TAPBP: variants seen among roughly 807,000 people sequenced by gnomAD.
TAPBP encodes TAP binding protein, also known as tapasin.
Under a neutral mutation model 45.7 loss-of-function variants are expected in TAPBP, and 38 were observed. That is an observed-to-expected ratio of 0.83 (90% CI 0.64 to 1.09). The LOEUF (loss-of-function observed/expected upper bound fraction) is 1.09. Ranked by LOEUF, TAPBP falls within the 50% of genes least tolerant of loss-of-function variation. TAPBP has a pLI of 0.00. For missense variants in TAPBP, 513 were observed against 587.3 expected, an observed-to-expected ratio of 0.87 and a Z score of 1.31; for synonymous variants, 226 against 254.8, an observed-to-expected ratio of 0.89 and a Z score of 1.08.
chr6:33,308,591 T>C (rs964565848), intron 3 of TAPBP, among the ~76,000 whole-genome samples: 6 of 152,172 alleles, frequency 3.9e-5, no homozygotes, highest in African/African-American at 1.4e-4. Flanking sequence ...CCCTTCAGTT[T>C]ACATTGTCTT....
intron 3 of TAPBP, among the ~76,000 whole-genome samples, chr6:33,306,706 C>G (rs1768988512): frequency 6.6e-6 from 1 of 152,234 alleles, no homozygotes; most frequent in South Asian, 2.1e-4. Flanking sequence ...GGGCCAGACG[C>G]AGTGGTTCAT....
At position 33,305,319 on chromosome 6, in the gene TAPBP, A is replaced by C. The variant is rs775379137; in HGVS notation, c.538T>G (p.Leu180Val). Reference protein sequence around the residue: ...VRLGQDALLDLSFAYMPPTSE... With the variant: ...VRLGQDALLDVSFAYMPPTSE... The stretch of plus-strand genomic sequence containing the variant: ...GTGGGGGGCATGTAGGCAAAGCTCA[A>C]GTCCAGCAGAGCATCTTGTCCCAGT... Residue 180 changes from leucine to valine, a missense_variant, in exon 4 of 8, where the codon TTG (leucine) becomes GTG (valine). Transcript: ENST00000434618. This position sits in a 1 kb window ranked among gnomAD's most constrained non-coding sequence, Gnocchi z 4.4. The C allele has an allele frequency of 6.4e-7, 1 of 1,560,004 alleles. No homozygotes were observed. The highest frequency in any genetic ancestry group is 8.7e-7 in the Non-Finnish European group (1 of 1,153,706).
chr6:33,301,709 A>T lies in TAPBP; in HGVS notation c.*51T>A, dbSNP rs1347325582. The T allele has an allele frequency of 6.5e-7, 1 of 1,540,066 alleles. No homozygotes were observed. The highest frequency in any genetic ancestry group is 9.0e-7 in the Non-Finnish European group (1 of 1,112,910). ...GTATTATTTTAGGGAGCTACTACAG[A>T]AGCTTGGGCCAGAGATGATGGTGGC... On this transcript the variant is annotated 3_prime_UTR_variant, in exon 8 of 8. Transcript: ENST00000434618.
At chr6:33,309,396 A>AG (rs9282491) in intron 3 of TAPBP, among the ~76,000 whole-genome samples, 1 of 150,962 alleles carries the variant, frequency 6.6e-6, no homozygotes, top group Non-Finnish European at 1.5e-5. Flanking sequence ...AAAAAAAAAA[A>AG]TCCATAGAAT....
Position 33,304,439 on chromosome 6 carries a change from G to C in TAPBP, c.1068C>G (p.Ser356=). The C allele has an allele frequency of 1.2e-6, 2 of 1,611,782 alleles. No individual in the cohort carries two copies. Among genetic ancestry groups the C allele is most frequent in the Non-Finnish European group, 1.7e-6 (2 of 1,178,850 alleles). Residue 356 remains serine, a synonymous_variant, in exon 5 of 8, where the codon TCC becomes TCG. Transcript: ENST00000434618. ...GCCCAGAGAGGCTGACAGAGCCATC[G>C]GAATGGTGGCGCAGGGCCGAGAGCC... ...QRWLSALRHH[S]DGSVSLSGHL...
At chr6:33,304,924 CT>C (rs1768862967) in intron 4 of TAPBP, 64 bp downstream of exon 4, 4 of 1,584,454 alleles carry the variant, frequency 2.5e-6, no homozygotes, top group South Asian at 2.3e-5. Flanking sequence ...ATCCCTCCCC[CT>C]ATTACGGTCC....
chr6:33,306,114 C>A (rs1285663609), intron 3 of TAPBP, among the ~76,000 whole-genome samples: 2 of 152,184 alleles, frequency 1.3e-5, no homozygotes, highest in Non-Finnish European at 2.9e-5. Context: ...CTATTCAGTT[C>A]CCAATTTTAG....
At position 33,301,690 on chromosome 6, in the gene TAPBP, T is replaced by C; in HGVS notation, c.*70A>G. ...ATTAGGAGCAGATGATAGGGTATTA[T>C]TTTAGGGAGCTACTACAGAAGCTTG... On this transcript the variant is annotated 3_prime_UTR_variant, in exon 8 of 8. Coordinates refer to ENST00000434618, the MANE Select transcript of TAPBP (RefSeq NM_003190.5). 1 of 1,408,836 alleles carries C rather than the reference T, an allele frequency of 7.1e-7. No homozygotes were observed. Among genetic ancestry groups the C allele is most frequent in the Non-Finnish European group, 1.0e-6 (1 of 995,428 alleles). The allele number at this position is 1,408,836 out of a possible 1,614,324, so 87.3% of individuals were successfully genotyped here. A position where few individuals can be genotyped will look rare whatever the true frequency, so the allele number is the denominator to read the frequency against.
At chr6:33,309,233 G>A (rs1393016326) in intron 3 of TAPBP, among the ~76,000 whole-genome samples, 1 of 151,932 alleles carries the variant, frequency 6.6e-6, no homozygotes, top group African/African-American at 2.4e-5. Context: ...TAAAAATACA[G>A]AATTATCCGG....
chr6:33,309,599 C>CTT (rs759356578), intron 3 of TAPBP, among the ~76,000 whole-genome samples: 32,153 of 90,742 alleles, frequency 0.35, 7,044 homozygotes, highest in South Asian at 0.52. Flanking sequence ...CAGTTTAACT[C>CTT]TTTTTTTTTT....
At chr6:33,312,423 G>A (rs906913962) in intron 3 of TAPBP, among the ~76,000 whole-genome samples, 16 of 152,174 alleles carry the variant, frequency 1.1e-4, no homozygotes, top group Admixed American at 5.2e-4. Flanking sequence ...GAACTCTACC[G>A]GTATTCTACC....
rs565874010 is a variant in TAPBP at position 33,307,693 on chromosome 6, C to T, written c.470-2306G>A. On this transcript the variant is annotated intron_variant, in intron 3 of 7. Coordinates refer to ENST00000434618, the MANE Select transcript of TAPBP (RefSeq NM_003190.5). ...CTGGGATTACAGGCATGAGCCACCA[C>T]GCCTGGCCTCTAGCTCTGCTTCTTA... 6.6e-5 allele frequency among the ~76,000 whole-genome samples: 10 copies of T among 152,284 alleles called. No homozygotes were observed. The East Asian group carries it at 1.2e-3, about 18-fold the overall frequency.
In TAPBP at chr6:33,313,992, G is replaced by A; in HGVS notation, c.37+13C>T. Reference sequence around the variant, plus strand: ...CTCTAGTTCTTGGGCGATGAGTCGCGGGGTTCGCTCACCCAAAGCCACAGC... The same window carrying A: ...CTCTAGTTCTTGGGCGATGAGTCGCAGGGTTCGCTCACCCAAAGCCACAGC... On this transcript the variant is annotated intron_variant, in intron 1 of 7. Transcript: ENST00000434618. The surrounding 1 kb of genome is among the most constrained non-coding windows in gnomAD (Gnocchi z 7.2). The A allele has an allele frequency of 6.2e-7, 1 of 1,613,932 alleles. No homozygotes were observed. The highest frequency in any genetic ancestry group is 8.5e-7 in the Non-Finnish European group (1 of 1,180,028).
Position 33,305,441 on chromosome 6 carries a change from G to A in TAPBP, c.470-54C>T. On this transcript the variant is annotated intron_variant, in intron 3 of 7. Coordinates refer to ENST00000434618, the MANE Select transcript of TAPBP (RefSeq NM_003190.5). The surrounding 1 kb of genome is among the most constrained non-coding windows in gnomAD (Gnocchi z 4.4). ...GGAGGGGCATGAGGGAGAGAAAGAA[G>A]GAGAAAAAAATAGAGAAATGCAGTT... is the stretch of plus-strand genomic sequence containing the variant. The A allele has an allele frequency of 6.8e-7, 1 of 1,466,824 alleles. No homozygotes were observed. Among genetic ancestry groups the A allele is most frequent in the Non-Finnish European group, 9.0e-7 (1 of 1,107,276 alleles). The allele number at this position is 1,466,824 out of a possible 1,614,324, so 90.9% of individuals were successfully genotyped here.
intron 3 of TAPBP, chr6:33,308,168 CAAAAA>C (rs9280399): frequency 0.016 from 1,578 of 99,574 alleles, 17 homozygotes; most frequent in Admixed American, 0.024. Context: ...ACTAAAAATA[CAAAAA>C]AAAAAAAAAA....
intron 3 of TAPBP, among the ~76,000 whole-genome samples, chr6:33,311,046 GT>G (rs1418023366): frequency 1.3e-5 from 2 of 152,216 alleles, no homozygotes; most frequent in African/African-American, 4.8e-5. Flanking sequence ...GCCGGGCGTG[GT>G]GGCTCATGCC....
intron 7 of TAPBP, 76 bp downstream of exon 7, chr6:33,303,879 C>G (rs1302012383): frequency 1.9e-6 from 3 of 1,613,804 alleles, no homozygotes; most frequent in African/African-American, 1.3e-5. Context: ...CACCAGCAGC[C>G]TCCCTCCATG....
At position 33,301,554 on chromosome 6, in the gene TAPBP, G is replaced by C. The variant is rs1768583892; in HGVS notation, c.*206C>G. 1 of 583,784 alleles carries C rather than the reference G, an allele frequency of 1.7e-6. No individual in the cohort carries two copies. The highest frequency in any genetic ancestry group is 2.2e-5 in the South Asian group (1 of 46,252). 36.2% of individuals were successfully genotyped at this position (583,784 alleles called of 1,614,324 possible). A position where few individuals can be genotyped will look rare whatever the true frequency, so the allele number is the denominator to read the frequency against. On this transcript the variant is annotated 3_prime_UTR_variant, in exon 8 of 8. Transcript: ENST00000434618. ...ATGCCACTGCACTGCAGCCTGGGCGGAAGAGTGAGACTCCGTCTCAAAAAA... is the reference window on the plus strand; with the variant it reads ...ATGCCACTGCACTGCAGCCTGGGCGCAAGAGTGAGACTCCGTCTCAAAAAA...
At chr6:33,309,746 G>A (rs1769225740) in intron 3 of TAPBP, among the ~76,000 whole-genome samples, 2 of 93,670 alleles carry the variant, frequency 2.1e-5, no homozygotes, top group South Asian at 3.6e-4. Flanking sequence ...TTTTTTTTGA[G>A]ACAGTTTCAC....
Sources: gnomAD v4.1 joint callset for allele counts (sites outside exome capture counted in the v4.1 genomes callset) on GRCh38, gnomAD v4.1.1 for gene constraint, Gnocchi (gnomAD v3.1) non-coding constraint, MANE v1.5 for transcripts, NCBI Gene and HGNC (gene_info 2026-07-23, HGNC 2026-07-21) for gene names.